The following AVEN variants were observed in gnomAD, a reference collection of about 807,000 sequenced individuals.
The protein encoded by AVEN is cell death regulator Aven.
A neutral mutation model predicts 38.1 loss-of-function variants in AVEN; 41 were observed. The observed-to-expected ratio is 1.08, with a 90% confidence interval of 0.84 to 1.40. The LOEUF (loss-of-function observed/expected upper bound fraction) is 1.40, where lower values mean the gene tolerates loss of function less well. Among genes scored for constraint, AVEN ranks in the 40% most tolerant of loss-of-function variants. The pLI is 0.00. For missense variants in AVEN, 605 were observed against 438.8 expected, an observed-to-expected ratio of 1.38 and a Z score of -3.38; for synonymous variants, 206 against 171.8, an observed-to-expected ratio of 1.20 and a Z score of -1.56.
chr15:33,910,944 T>C (rs1892893445), intron 2 of AVEN, among the ~76,000 whole-genome samples: 1 of 152,172 alleles, frequency 6.6e-6, no homozygotes, highest in African/African-American at 2.4e-5. Context: ...ATCATAAATA[T>C]TCTCTATTCA....
At chr15:33,917,544 A>ATAT (rs1893196589) in intron 2 of AVEN, among the ~76,000 whole-genome samples, 1 of 127,918 alleles carries the variant, frequency 7.8e-6, no homozygotes, top group African/African-American at 2.8e-5. Context: ...TATATATATC[A>ATAT]ATCACACATG....
At chr15:34,017,399 G>A (rs1358341729) in intron 1 of AVEN, among the ~76,000 whole-genome samples, 1 of 151,398 alleles carries the variant, frequency 6.6e-6, no homozygotes, top group Non-Finnish European at 1.5e-5. Context: ...GATTTTTCAG[G>A]TAATGTCCCT....
chr15:34,049,641 C>G (rs1023765649), intron 5 of AVEN, among the ~76,000 whole-genome samples: 4 of 152,082 alleles, frequency 2.6e-5, no homozygotes, highest in Non-Finnish European at 5.9e-5. Flanking sequence ...TTTCCCCAAC[C>G]TAGCAAGTCA....
At chr15:33,880,654 G>C (rs1891445519) in intron 2 of AVEN, among the ~76,000 whole-genome samples, 1 of 152,068 alleles carries the variant, frequency 6.6e-6, no homozygotes, top group South Asian at 2.1e-4. Flanking sequence ...AGCCTCCAAT[G>C]ATCTCTATAA....
At chr15:33,962,837 G>A in intron 2 of AVEN, among the ~76,000 whole-genome samples, 1 of 148,388 alleles carries the variant, frequency 6.7e-6, no homozygotes, top group African/African-American at 2.6e-5. Context: ...GGAGAATGGT[G>A]TGAACCCAGG....
chr15:33,940,133 G>C lies in AVEN; in HGVS notation c.445+62899C>G, dbSNP rs912062198. Among the ~76,000 whole-genome samples the C allele has an allele frequency of 2.0e-5, 3 of 152,106 alleles. No individual in the cohort carries two copies. In the South Asian group the frequency reaches 6.2e-4, roughly 31 times the overall value. The stretch of plus-strand genomic sequence containing the variant: ...TGCAGAATTATGAGAAATAAATTTT[G>C]TCATTTAAGCCACCCAGTTTAAGTA... On this transcript the variant is annotated intron_variant, in intron 2 of 5. Coordinates refer to ENST00000306730, the MANE Select transcript of AVEN (RefSeq NM_020371.3).
chr15:33,872,230 G>T (rs550741407), intron 3 of AVEN, among the ~76,000 whole-genome samples: 111 of 152,286 alleles, frequency 7.3e-4, no homozygotes, highest in African/African-American at 2.6e-3. Flanking sequence ...GTGTGCACAG[G>T]ACCCTGTCTG....
At chr15:34,000,684 G>A (rs939223459) in intron 2 of AVEN, among the ~76,000 whole-genome samples, 2 of 152,084 alleles carry the variant, frequency 1.3e-5, no homozygotes, top group Non-Finnish European at 2.9e-5. Context: ...TTGACCTCTC[G>A]AAAGTAAACC....
chr15:33,948,995 T>C lies in AVEN; in HGVS notation c.445+54037A>G, dbSNP rs114455445. ...GCTGACTTTTGAAGGTTTTTAAATA[T>C]GACAATTCAATTCAACTCATTTCAA... On this transcript the variant is annotated intron_variant, in intron 2 of 5. Transcript: ENST00000306730. Among the ~76,000 whole-genome samples the C allele has an allele frequency of 5.8e-3, 879 of 151,182 alleles. 6 individuals are homozygous for C. The highest frequency in any genetic ancestry group is 0.02 in the African/African-American group (841 of 41,126).
chr15:34,039,319 G>C (rs2140799430), upstream of AVEN: 1 of 162,938 alleles, frequency 6.1e-6, no homozygotes, highest in Non-Finnish European at 1.3e-5. Context: ...GGGGCGGGGG[G>C]ATTCTCAAGG....
chr15:34,024,496 A>C (rs1025081485), intron 1 of AVEN, among the ~76,000 whole-genome samples: 4 of 148,674 alleles, frequency 2.7e-5, no homozygotes, highest in Non-Finnish European at 4.5e-5. Context: ...AAAAAAAAGA[A>C]GCACTTTGCT....
In AVEN at chr15:33,964,127, G is replaced by A. The variant is rs952069487; in HGVS notation, c.445+38905C>T. On this transcript the variant is annotated intron_variant, in intron 2 of 5. Coordinates refer to ENST00000306730, the MANE Select transcript of AVEN (RefSeq NM_020371.3). ...TACTTAAAAAAAAAAAAAGTCTACC[G>A]CCAGGACATAGCATAGTTCTAGAAC... 6.0e-4 allele frequency among the ~76,000 whole-genome samples: 89 copies of A among 148,092 alleles called. 2 individuals carry two copies. The highest frequency in any genetic ancestry group is 2.4e-4 in the Non-Finnish European group (16 of 67,338).
chr15:34,057,605 G>A (rs1052501311), intron 5 of AVEN, among the ~76,000 whole-genome samples: 7 of 152,096 alleles, frequency 4.6e-5, no homozygotes, highest in South Asian at 2.1e-4. Flanking sequence ...TTTAAAATCT[G>A]AGACTCAGGT....
chr15:33,931,523 A>C (rs1893850627), intron 2 of AVEN, among the ~76,000 whole-genome samples: 1 of 151,490 alleles, frequency 6.6e-6, no homozygotes. Flanking sequence ...GGCACCCGCC[A>C]CCACACCCAG....
chr15:33,893,018 T>C (rs1364428643), intron 2 of AVEN, among the ~76,000 whole-genome samples: 1 of 151,114 alleles, frequency 6.6e-6, no homozygotes, highest in African/African-American at 2.5e-5. Flanking sequence ...GATTTGGCTC[T>C]CTGTCTGTTA....
chr15:33,886,142 A>G (rs1891689251), intron 2 of AVEN, among the ~76,000 whole-genome samples: 1 of 151,054 alleles, frequency 6.6e-6, no homozygotes, highest in African/African-American at 2.5e-5. Flanking sequence ...AAAAGATTCT[A>G]TCTCTGTTGA....
chr15:34,017,497 T>TTTTTTG (rs1555516619), intron 1 of AVEN, among the ~76,000 whole-genome samples: 1,333 of 132,854 alleles, frequency 0.01, 1 homozygote, highest in Non-Finnish European at 0.017. Flanking sequence ...TTTTTTTTTT[T>TTTTTTG]TTTGAGACAG....
intron 2 of AVEN, among the ~76,000 whole-genome samples, chr15:33,986,230 C>T (rs1896460617): frequency 6.6e-6 from 1 of 151,966 alleles, no homozygotes; most frequent in African/African-American, 2.4e-5. Context: ...CCTCAGCCTC[C>T]CGAGTAGCTG....
upstream of AVEN, among the ~76,000 whole-genome samples, chr15:34,043,240 C>A (rs1899551705): frequency 6.7e-6 from 1 of 149,968 alleles, no homozygotes; most frequent in Non-Finnish European, 1.5e-5. Flanking sequence ...GAGCAAGAAT[C>A]CGTCTCAAAA....
Sources: allele counts gnomAD v4.1 joint callset (sites outside exome capture counted in the v4.1 genomes callset), GRCh38; gene constraint gnomAD v4.1.1; transcripts MANE v1.5; gene names NCBI Gene and HGNC (gene_info 2026-07-23, HGNC 2026-07-21).